The following MARCHF1 variants were observed in gnomAD, a reference collection of about 807,000 sequenced individuals.
MARCHF1 encodes membrane associated ring-CH-type finger 1.
In MARCHF1, 40 loss-of-function variants were observed where a neutral mutation model predicts 54.2. That is an observed-to-expected ratio of 0.74 (90% CI 0.57 to 0.96). MARCHF1 has a LOEUF of 0.96. Among genes scored for constraint, MARCHF1 ranks in the 40% least tolerant of loss-of-function variants. The probability of loss-of-function intolerance (pLI) is 0.00; values close to 1 mark genes in which losing one functional copy is unlikely to be tolerated. For synonymous variants in MARCHF1, 236 were observed against 236.3 expected (o/e 1.00, Z 0.01); for missense variants, 586 against 656.5 (o/e 0.89, Z 1.17).
intron 3 of MARCHF1, chr4:163,932,471 T>C: frequency 5.4e-6 from 2 of 369,748 alleles, no homozygotes; most frequent in Non-Finnish European, 1.1e-5. Flanking sequence ...GCTCACAGCA[T>C]GTTCACCAGG....
intron 4 of MARCHF1, among the ~76,000 whole-genome samples, chr4:163,767,632 C>A (rs1332969644): frequency 6.6e-6 from 1 of 152,122 alleles, no homozygotes; most frequent in Admixed American, 6.5e-5. Context: ...CCGTGCCCAG[C>A]CAATATTGCC....
intron 2 of MARCHF1, among the ~76,000 whole-genome samples, chr4:164,047,156 T>C (rs1754259169): frequency 6.6e-6 from 1 of 152,180 alleles, no homozygotes; most frequent in African/African-American, 2.4e-5. Flanking sequence ...CTAATCCCAG[T>C]GACATCCATA....
rs1252678386 is a variant in MARCHF1, at chr4:163,841,192, G to T, written c.111+12829C>A. The stretch of plus-strand genomic sequence containing the variant: ...AACTGCTCTTTATGCTACTATCATG[G>T]TGGAAACATGCGATTATAAATTTGT... On this transcript the variant is annotated intron_variant, in intron 4 of 9. Transcript: ENST00000514618. 2.0e-5 allele frequency among the ~76,000 whole-genome samples: 3 copies of T among 152,104 alleles called. No individual in the cohort carries two copies. In the South Asian group the frequency reaches 6.2e-4, roughly 31 times the overall value.
At chr4:163,989,248 C>T (rs6844015) in intron 2 of MARCHF1, among the ~76,000 whole-genome samples, 144,993 of 151,966 alleles carry the variant, frequency 0.95, 69,487 homozygotes, top group East Asian at 1. Flanking sequence ...AGGATCTGCC[C>T]TGAAGTGAAG....
intron 2 of MARCHF1, among the ~76,000 whole-genome samples, chr4:163,996,418 C>CA (rs1316119690): frequency 1.3e-5 from 2 of 151,814 alleles, no homozygotes; most frequent in Non-Finnish European, 2.9e-5. Context: ...CCTAAAGTTC[C>CA]AAAACAATCA....
intron 2 of MARCHF1, among the ~76,000 whole-genome samples, chr4:164,063,611 C>T (rs532825522): frequency 1.2e-4 from 18 of 152,128 alleles, no homozygotes; most frequent in Non-Finnish European, 2.2e-4. Flanking sequence ...TATCATCTAC[C>T]CCTATGAAGT....
At chr4:163,883,917 G>A (rs1560802648) in intron 3 of MARCHF1, among the ~76,000 whole-genome samples, 2 of 152,132 alleles carry the variant, frequency 1.3e-5, no homozygotes, top group African/African-American at 2.4e-5. Flanking sequence ...GGTATTCATA[G>A]ATCTTTGCTT....
At chr4:163,872,221 A>G (rs960373481) in intron 3 of MARCHF1, among the ~76,000 whole-genome samples, 1 of 152,246 alleles carries the variant, frequency 6.6e-6, no homozygotes, top group Non-Finnish European at 1.5e-5. Flanking sequence ...TTCTGGGGCT[A>G]TCTGAGCATG....
chr4:164,211,343 A>G (rs1182443022), intron 1 of MARCHF1, among the ~76,000 whole-genome samples: 65 of 117,748 alleles, frequency 5.5e-4, no homozygotes, highest in African/African-American at 1.7e-3. Flanking sequence ...ATATATATAT[A>G]TATATATATA....
intron 9 of MARCHF1, among the ~76,000 whole-genome samples, chr4:163,537,878 C>T (rs970292422): frequency 1.3e-5 from 2 of 152,152 alleles, no homozygotes; most frequent in African/African-American, 4.8e-5. Flanking sequence ...GTAAATTCTT[C>T]CAGGACTCCT....
chr4:164,066,587 A>G (rs1297101768), intron 2 of MARCHF1, among the ~76,000 whole-genome samples: 1 of 152,238 alleles, frequency 6.6e-6, no homozygotes, highest in African/African-American at 2.4e-5. Context: ...TTGAAGCACT[A>G]TTCACAATAG....
intron 3 of MARCHF1, among the ~76,000 whole-genome samples, chr4:163,949,044 G>A (rs890715921): frequency 6.6e-6 from 1 of 152,202 alleles, no homozygotes; most frequent in Non-Finnish European, 1.5e-5. Context: ...CCCGTGTTTT[G>A]CTTGGGCCCG....
chr4:163,875,061 A>G (rs1015592522), intron 3 of MARCHF1, among the ~76,000 whole-genome samples: 1 of 152,198 alleles, frequency 6.6e-6, no homozygotes, highest in Admixed American at 6.5e-5. Context: ...TGTTTATAAA[A>G]TATCTCTATA....
intron 2 of MARCHF1, among the ~76,000 whole-genome samples, chr4:164,005,507 C>T (rs1330011393): frequency 6.6e-6 from 1 of 152,062 alleles, no homozygotes; most frequent in Non-Finnish European, 1.5e-5. Flanking sequence ...CTCTGCTTGG[C>T]AACAAGTGCA....
At position 164,197,782 on chromosome 4, in the gene MARCHF1, C is replaced by T. The variant is rs919022528; in HGVS notation, c.-322-86120G>A. On this transcript the variant is annotated intron_variant, in intron 1 of 9. Transcript: ENST00000514618. The stretch of plus-strand genomic sequence containing the variant: ...AATCAATAAACCTCGAACCCACGGC[C>T]GCACGTTTTAGGACTTTGAAGACTC... The T allele has an allele frequency of 7.5e-6, 12 of 1,604,114 alleles. No homozygotes were observed. The East Asian group carries it at 1.6e-4, about 21-fold the overall frequency.
intron 4 of MARCHF1, among the ~76,000 whole-genome samples, chr4:163,836,402 C>T (rs1350502608): frequency 3.4e-5 from 5 of 148,908 alleles, no homozygotes; most frequent in African/African-American, 4.9e-5. Flanking sequence ...CCCGCCACCA[C>T]GCCCGGCTAA....
chr4:164,011,123 A>G (rs1753410901), intron 2 of MARCHF1, among the ~76,000 whole-genome samples: 1 of 152,174 alleles, frequency 6.6e-6, no homozygotes, highest in Non-Finnish European at 1.5e-5. Context: ...ATAAAAATGG[A>G]TGGAAGATTT....
At chr4:163,885,935 A>G (rs1181528941) in intron 3 of MARCHF1, among the ~76,000 whole-genome samples, 4 of 147,666 alleles carry the variant, frequency 2.7e-5, no homozygotes, top group Admixed American at 2.0e-4. Flanking sequence ...GCTATCTAAT[A>G]TATATATAAA....
In MARCHF1 at chr4:163,875,610, ATC is replaced by A. The variant is rs1351588874; in HGVS notation, c.-38-21443_-38-21442del. On this transcript the variant is annotated intron_variant, in intron 3 of 9. Coordinates refer to ENST00000514618, the MANE Select transcript of MARCHF1 (RefSeq NM_001394959.1). ...CTTCTGCTTTGCATAAAAGGTTGGAATCTTTATTATTTCCCTTTATCATTGGC... is the reference window on the plus strand; with the variant it reads ...CTTCTGCTTTGCATAAAAGGTTGGAATTTATTATTTCCCTTTATCATTGGC... Among the ~76,000 whole-genome samples, 5 of 152,254 alleles carry A rather than the reference ATC, an allele frequency of 3.3e-5. No individual in the cohort carries two copies. In the East Asian group the frequency reaches 7.7e-4, roughly 23 times the overall value.
Sources: gnomAD v4.1 joint callset for allele counts (sites outside exome capture counted in the v4.1 genomes callset) on GRCh38, gnomAD v4.1.1 for gene constraint, MANE v1.5 for transcripts, NCBI Gene and HGNC (gene_info 2026-07-23, HGNC 2026-07-21) for gene names.